Variants in HFM1 observed in about 807,000 individuals in gnomAD.
HFM1 encodes the protein helicase for meiosis 1.
A neutral mutation model predicts 192.1 loss-of-function variants in HFM1; 169 were observed. The observed-to-expected ratio is 0.88, with a 90% confidence interval of 0.78 to 1.00. HFM1 has a LOEUF of 1.00. HFM1 is among the 50% of genes least tolerant of loss of function. The pLI is 0.00. For missense variants in HFM1, 1,661 were observed against 1,668.0 expected, an observed-to-expected ratio of 1.00 and a Z score of 0.07; for synonymous variants, 525 against 537.8, an observed-to-expected ratio of 0.98 and a Z score of 0.33.
At chr1:91,307,060 T>C (rs1649711766) in intron 30 of HFM1, among the ~76,000 whole-genome samples, 1 of 152,176 alleles carries the variant, frequency 6.6e-6, no homozygotes, top group African/African-American at 2.4e-5. Flanking sequence ...ATTCTTGATA[T>C]TGTTACTTGT....
intron 13 of HFM1, among the ~76,000 whole-genome samples, chr1:91,373,203 A>G (rs1179710557): frequency 6.6e-6 from 1 of 151,758 alleles, no homozygotes; most frequent in African/African-American, 2.4e-5. Context: ...GGCTTGCTAC[A>G]TATCTTTGGT....
rs192822687 is a variant in HFM1, at chr1:91,303,444, G to T, written c.3391+9905C>A. 6.5e-3 allele frequency among the ~76,000 whole-genome samples: 982 copies of T among 152,136 alleles called. 3 individuals are homozygous for T. The highest frequency in any genetic ancestry group is 0.011 in the Non-Finnish European group (726 of 67,984). On this transcript the variant is annotated intron_variant, in intron 30 of 38. Coordinates refer to ENST00000370425, the MANE Select transcript of HFM1 (RefSeq NM_001017975.6). ...TAGATATTTGGGTTGTTTCCAGTTTGGGCTATTATAAATAATGCAGCTATA... is the reference window on the plus strand; with the variant it reads ...TAGATATTTGGGTTGTTTCCAGTTTTGGCTATTATAAATAATGCAGCTATA...
chr1:91,389,963 C>A (rs567995804), intron 4 of HFM1, among the ~76,000 whole-genome samples: 1 of 152,326 alleles, frequency 6.6e-6, no homozygotes, highest in East Asian at 1.9e-4. Context: ...AGCAATTCTA[C>A]TTCTGGGTTT....
intron 30 of HFM1, among the ~76,000 whole-genome samples, chr1:91,282,397 A>G (rs983752012): frequency 1.2e-4 from 19 of 152,102 alleles, no homozygotes; most frequent in African/African-American, 3.1e-4. Context: ...GGACGTTACT[A>G]AAGTTTTATA....
chr1:91,371,672 A>C (rs1014950419), intron 13 of HFM1, among the ~76,000 whole-genome samples: 51 of 143,086 alleles, frequency 3.6e-4, no homozygotes, highest in African/African-American at 1.3e-3. Flanking sequence ...CATTCAGGAC[A>C]TAGGCATGGG....
intron 4 of HFM1, among the ~76,000 whole-genome samples, chr1:91,389,959 T>C (rs1023538969): frequency 5.3e-5 from 8 of 152,146 alleles, no homozygotes; most frequent in South Asian, 2.1e-4. Context: ...ACCCAGCAAT[T>C]CTACTTCTGG....
chr1:91,351,874 T>C (rs1656982466), intron 16 of HFM1, among the ~76,000 whole-genome samples: 1 of 151,972 alleles, frequency 6.6e-6, no homozygotes, highest in African/African-American at 2.4e-5. Flanking sequence ...ATTTTGGCAA[T>C]GTTAAAATCA....
rs1450251433 is a variant in HFM1 at position 91,385,833 on chromosome 1, ATCTGC to A, written c.495-4_495del. 6.3e-7 allele frequency: 1 copy of A among 1,586,356 alleles called. No homozygotes were observed. ...TGTATATTGTCAGATATTTTAAATA[ATCTGC>A]AAACAAAAAAAAGACCCACATATTT... On this transcript the variant is annotated splice_acceptor_variant and splice_polypyrimidine_tract_variant and coding_sequence_variant and intron_variant, in exon 5 of 39. Coordinates refer to ENST00000370425, the MANE Select transcript of HFM1 (RefSeq NM_001017975.6). LOFTEE classifies it high-confidence loss of function.
chr1:91,286,632 A>G (rs1171560285), intron 30 of HFM1, among the ~76,000 whole-genome samples: 1 of 152,162 alleles, frequency 6.6e-6, no homozygotes, highest in African/African-American at 2.4e-5. Flanking sequence ...TATTCCAGAT[A>G]AGATCACATT....
At chr1:91,287,884 G>A (rs1394699038) in intron 30 of HFM1, among the ~76,000 whole-genome samples, 3 of 152,306 alleles carry the variant, frequency 2.0e-5, no homozygotes, top group Non-Finnish European at 2.9e-5. Flanking sequence ...CTCAGGAGCC[G>A]ATGCGATGAA....
chr1:91,313,985 A>G lies in HFM1; in HGVS notation c.3216T>C (p.Leu1072=). The part of the protein sequence containing the change: ...AVKRALKSED[L]SINLISSEFV... ...ATTCAGAACTTATTAGATTTATGCT[A>G]AGATCTTCAGATTTAAGAGCTCTTT... Residue 1072 remains leucine, a synonymous_variant, in exon 29 of 39, where the codon CTT becomes CTC. Transcript: ENST00000370425. 1 of 1,604,528 alleles carries G rather than the reference A, an allele frequency of 6.2e-7. No individual in the cohort carries two copies. Among genetic ancestry groups the G allele is most frequent in the East Asian group, 2.2e-5 (1 of 44,634 alleles).
At chr1:91,322,741 T>C (rs1013890102) in intron 23 of HFM1, among the ~76,000 whole-genome samples, 2 of 152,174 alleles carry the variant, frequency 1.3e-5, no homozygotes, top group Admixed American at 6.5e-5. Context: ...ACCGTCCACC[T>C]TGCCTCAACA....
intron 23 of HFM1, among the ~76,000 whole-genome samples, chr1:91,321,243 G>A (rs1175347861): frequency 1.3e-4 from 19 of 151,998 alleles, no homozygotes; most frequent in Admixed American, 1.2e-3. Flanking sequence ...CAGGAGTTTG[G>A]GACAAGACTG....
At chr1:91,396,626 G>A (rs1663695537) in intron 2 of HFM1, among the ~76,000 whole-genome samples, 1 of 152,114 alleles carries the variant, frequency 6.6e-6, no homozygotes, top group Non-Finnish European at 1.5e-5. Flanking sequence ...CCTAAATAAT[G>A]GCAATAACTC....
chr1:91,314,142 AAAGATACT>A, intron 28 of HFM1, 82 bp from the exon 29 acceptor site: 1 of 817,754 alleles, frequency 1.2e-6, no homozygotes. Context: ...TGTTCTTAAG[AAAGATACT>A]CTCTAGTAGT....
chr1:91,400,206 AT>A (rs1557538772), intron 2 of HFM1, among the ~76,000 whole-genome samples: 2 of 152,366 alleles, frequency 1.3e-5, no homozygotes, highest in South Asian at 4.1e-4. Context: ...AACAATGCAC[AT>A]GAAAATCCAT....
At chr1:91,310,663 T>C (rs1650315305) in intron 30 of HFM1, among the ~76,000 whole-genome samples, 2 of 152,236 alleles carry the variant, frequency 1.3e-5, no homozygotes, top group Non-Finnish European at 2.9e-5. Context: ...GAGGCTGGTC[T>C]TTCCCTTGCT....
At chr1:91,312,347 G>C (rs181122394) in intron 30 of HFM1, among the ~76,000 whole-genome samples, 65 of 152,172 alleles carry the variant, frequency 4.3e-4, no homozygotes, top group African/African-American at 1.5e-3. Context: ...GGGAGGCTGT[G>C]CCCTGCAAAG....
intron 13 of HFM1, among the ~76,000 whole-genome samples, chr1:91,369,168 C>G (rs945961553): frequency 6.6e-6 from 1 of 152,178 alleles, no homozygotes; most frequent in Non-Finnish European, 1.5e-5. Flanking sequence ...TCACACCCCA[C>G]TGTCAACATT....
Sources: allele counts gnomAD v4.1 joint callset (sites outside exome capture counted in the v4.1 genomes callset), GRCh38; gene constraint gnomAD v4.1.1; transcripts MANE v1.5; gene names NCBI Gene and HGNC (gene_info 2026-07-23, HGNC 2026-07-21).